Variants in DLGAP1 observed in about 807,000 individuals in gnomAD.
The protein encoded by DLGAP1 is disks large-associated protein 1.
DLGAP1 carries 11 observed loss-of-function variants against 90.8 expected under a neutral mutation model. The ratio of observed to expected loss-of-function variants is 0.12; its 90% confidence interval spans 0.08 to 0.20. The LOEUF is 0.20. Ranked by LOEUF, DLGAP1 falls within the 10% of genes least tolerant of loss-of-function variation. DLGAP1 has a pLI of 1.00. For missense variants in DLGAP1, 1,050 were observed against 1,333.8 expected (o/e 0.79, Z 3.31); for synonymous variants, 558 against 540.7 (o/e 1.03, Z -0.44).
In DLGAP1 at chr18:3,517,172, G is replaced by C. The variant is rs2050893594; in HGVS notation, c.2480-8511C>G. Among the ~76,000 whole-genome samples the C allele has an allele frequency of 6.6e-6, 1 of 152,162 alleles. No individual in the cohort carries two copies. The highest frequency in any genetic ancestry group is 2.4e-5 in the African/African-American group (1 of 41,440). On this transcript the variant is annotated intron_variant, in intron 10 of 12. Coordinates refer to ENST00000315677, the MANE Select transcript of DLGAP1 (RefSeq NM_004746.4). This position sits in a 1 kb window ranked among gnomAD's most constrained non-coding sequence, Gnocchi z 4.1. ...TTAGCATAATTTTTAAGGGCCGTAG[G>C]CTTTTCAGAATGGTAAATGAGCTTT...
chr18:4,004,339 G>A (rs1470691616), intron 3 of DLGAP1, among the ~76,000 whole-genome samples: 1 of 151,170 alleles, frequency 6.6e-6, no homozygotes, highest in Non-Finnish European at 1.5e-5. Context: ...CATGATATAA[G>A]TACCTAATCA....
intron 2 of DLGAP1, among the ~76,000 whole-genome samples, chr18:4,148,955 T>C (rs901257751): frequency 3.9e-5 from 6 of 152,220 alleles, no homozygotes; most frequent in Admixed American, 6.5e-5. Context: ...TTCACCTTAA[T>C]GTACTAAATC....
At chr18:4,314,820 T>G (rs559889547) in intron 1 of DLGAP1, among the ~76,000 whole-genome samples, 1 of 152,266 alleles carries the variant, frequency 6.6e-6, no homozygotes, top group African/African-American at 2.4e-5. Context: ...AAAGTCTAAT[T>G]GGTAGACAGG....
chr18:4,044,312 T>G (rs1347579605), intron 2 of DLGAP1, among the ~76,000 whole-genome samples: 2 of 152,016 alleles, frequency 1.3e-5, no homozygotes, highest in African/African-American at 2.4e-5. Flanking sequence ...GTAAAAGGAG[T>G]GTAACTTCCA....
intron 3 of DLGAP1, among the ~76,000 whole-genome samples, chr18:3,936,374 A>G (rs2072640440): frequency 6.6e-6 from 1 of 152,210 alleles, no homozygotes; most frequent in Non-Finnish European, 1.5e-5. Flanking sequence ...TTTGCCCCAC[A>G]GACCATGACA....
At chr18:3,814,320 TTTTTC>T (rs1282591826) in intron 4 of DLGAP1, 47 bp from the exon 5 acceptor site, 4 of 1,494,414 alleles carry the variant, frequency 2.7e-6, no homozygotes, top group East Asian at 2.3e-5. Context: ...AAAGCCTACC[TTTTTC>T]TTTTCTTTTT....
intron 1 of DLGAP1, among the ~76,000 whole-genome samples, chr18:4,193,787 G>T (rs2077443617): frequency 6.6e-6 from 1 of 152,062 alleles, no homozygotes. Context: ...TTCTATACTG[G>T]CACTTTGCTT....
At chr18:4,406,797 G>T (rs1320946160) in intron 1 of DLGAP1, among the ~76,000 whole-genome samples, 1 of 152,196 alleles carries the variant, frequency 6.6e-6, no homozygotes, top group Non-Finnish European at 1.5e-5. Context: ...TTGAAATCGG[G>T]AGAAATCTTA....
chr18:3,758,023 G>C (rs1032714938), intron 5 of DLGAP1, among the ~76,000 whole-genome samples: 19 of 150,502 alleles, frequency 1.3e-4, no homozygotes, highest in African/African-American at 3.4e-4. Flanking sequence ...GGCTGAGGCA[G>C]AGAATTGCTT....
At chr18:4,022,186 G>A (rs114982060) in intron 2 of DLGAP1, among the ~76,000 whole-genome samples, 74 of 151,946 alleles carry the variant, frequency 4.9e-4, no homozygotes, top group African/African-American at 1.8e-3. Context: ...TTTAAACATA[G>A]ACTTTAGATA....
chr18:3,792,369 C>A (rs921521903), intron 5 of DLGAP1, among the ~76,000 whole-genome samples: 1 of 151,992 alleles, frequency 6.6e-6, no homozygotes, highest in Non-Finnish European at 1.5e-5. Context: ...GTAATCCCAC[C>A]TACTTGGGAG....
At chr18:3,502,711 G>T in intron 11 of DLGAP1, 66 bp from the exon 12 acceptor site, 3 of 1,534,028 alleles carry the variant, frequency 2.0e-6, no homozygotes, top group South Asian at 2.6e-5. Context: ...GGGCCAAAAA[G>T]GCATTTTCAA....
intron 5 of DLGAP1, among the ~76,000 whole-genome samples, chr18:3,785,781 G>A (rs751016299): frequency 3.3e-5 from 5 of 152,138 alleles, no homozygotes; most frequent in Non-Finnish European, 7.4e-5. Flanking sequence ...GTTCCCAGGT[G>A]GATAAGAGAA....
intron 1 of DLGAP1, among the ~76,000 whole-genome samples, chr18:4,384,021 TG>T (rs1274119674): frequency 1.3e-5 from 2 of 152,156 alleles, no homozygotes; most frequent in African/African-American, 4.8e-5. Flanking sequence ...AATGGTAAAT[TG>T]AGCCATGCGA....
In DLGAP1 at chr18:4,127,022, A is replaced by G. The variant is rs969323176; in HGVS notation, c.-159+24158T>C. 5.3e-5 allele frequency among the ~76,000 whole-genome samples: 8 copies of G among 152,308 alleles called. No individual in the cohort carries two copies. In the South Asian group the frequency reaches 6.2e-4, roughly 12 times the overall value. Reference sequence around the variant, plus strand: ...TCTGCCTTAAGATCAGATTTGCATAATCATATTTTGTATCCCTGATCATTT... The same window carrying G: ...TCTGCCTTAAGATCAGATTTGCATAGTCATATTTTGTATCCCTGATCATTT... On this transcript the variant is annotated intron_variant, in intron 2 of 12. Coordinates refer to ENST00000315677, the MANE Select transcript of DLGAP1 (RefSeq NM_004746.4).
At chr18:4,353,890 G>A (rs2081449909) in intron 1 of DLGAP1, among the ~76,000 whole-genome samples, 1 of 151,992 alleles carries the variant, frequency 6.6e-6, no homozygotes, top group African/African-American at 2.4e-5. Context: ...ACAAACATAA[G>A]AACTCAAATT....
chr18:3,557,923 G>A (rs1248418657), intron 9 of DLGAP1, among the ~76,000 whole-genome samples: 4 of 149,254 alleles, frequency 2.7e-5, no homozygotes, highest in East Asian at 1.9e-4. Flanking sequence ...GTGAGACTTC[G>A]TCTCACAAAA....
intron 2 of DLGAP1, among the ~76,000 whole-genome samples, chr18:4,091,368 T>C (rs2075771197): frequency 6.6e-6 from 1 of 152,230 alleles, no homozygotes; most frequent in Non-Finnish European, 1.5e-5. Context: ...TTTCTATTTA[T>C]ATTCTTTGAG....
At chr18:3,559,921 C>G (rs2053979132) in intron 9 of DLGAP1, among the ~76,000 whole-genome samples, 2 of 151,856 alleles carry the variant, frequency 1.3e-5, no homozygotes, top group African/African-American at 4.8e-5. Flanking sequence ...GCTCCAGGCC[C>G]CAATCCACTT....
Sources: gnomAD v4.1 joint callset for allele counts (sites outside exome capture counted in the v4.1 genomes callset) on GRCh38, gnomAD v4.1.1 for gene constraint, Gnocchi (gnomAD v3.1) non-coding constraint, MANE v1.5 for transcripts, NCBI Gene and HGNC (gene_info 2026-07-23, HGNC 2026-07-21) for gene names.